CSTF1: variants seen among roughly 807,000 people sequenced by gnomAD.
The protein encoded by CSTF1 is CF-1 50 kDa subunit.
In CSTF1, 2 loss-of-function variants were observed where a neutral mutation model predicts 40.9. The observed-to-expected ratio is 0.05, with a 90% CI of 0.02 to 0.15. CSTF1 has a LOEUF of 0.15. Among genes scored for constraint, CSTF1 ranks in the 10% least tolerant of loss-of-function variants. The pLI, the probability that CSTF1 is intolerant of heterozygous loss-of-function variation, is 1.00. For synonymous variants in CSTF1, 218 were observed against 207.2 expected (o/e 1.05, Z -0.45); for missense variants, 279 against 558.9 (o/e 0.50, Z 5.05).
chr20:56,398,076 A>G (rs1314512436), intron 4 of CSTF1, among the ~76,000 whole-genome samples: 1 of 152,160 alleles, frequency 6.6e-6, no homozygotes, highest in Non-Finnish European at 1.5e-5. Context: ...AGGGTTTGGA[A>G]TCCATATCAC....
chr20:56,399,114 A>G lies in CSTF1; in HGVS notation c.793A>G (p.Ile265Val), dbSNP rs1181888957. 11 of 1,614,108 alleles carry G rather than the reference A, an allele frequency of 6.8e-6. No individual in the cohort carries two copies. The highest frequency in any genetic ancestry group is 1.6e-4 in the Middle Eastern group (1 of 6,084). ...TCCTCAAGATCAACACACCGATGCT[A>G]TATGTTCCGTTAATTACAATTCTAG... is the stretch of plus-strand genomic sequence containing the variant. Reference protein sequence around the residue: ...CNPQDQHTDAICSVNYNSSAN... With the variant: ...CNPQDQHTDAVCSVNYNSSAN... Residue 265 changes from isoleucine to valine, a missense_variant, in exon 5 of 6, where the codon ATA becomes GTA. Coordinates refer to ENST00000217109, the MANE Select transcript of CSTF1 (RefSeq NM_001324.3). The surrounding 1 kb of genome is among the most constrained non-coding windows in gnomAD (Gnocchi z 4.6).
chr20:56,400,008 T>C (rs1189983890), intron 5 of CSTF1, among the ~76,000 whole-genome samples: 1 of 152,240 alleles, frequency 6.6e-6, no homozygotes, highest in African/African-American at 2.4e-5. Flanking sequence ...AACACTGTCT[T>C]CTGTTCCTTG....
In CSTF1 at chr20:56,405,280, C is replaced by T. The variant is rs532102357; in HGVS notation, c.*1553C>T. On this transcript the variant is annotated 3_prime_UTR_variant, in exon 6 of 6. Coordinates refer to ENST00000217109, the MANE Select transcript of CSTF1 (RefSeq NM_001324.3). Reference sequence around the variant, plus strand: ...TTAGTGCAATGGCGCGATCTCGGCTCACCGCAGCCTCCGCCACCTGGGTTC... The same window carrying T: ...TTAGTGCAATGGCGCGATCTCGGCTTACCGCAGCCTCCGCCACCTGGGTTC... 3.9e-5 allele frequency: 6 copies of T among 152,312 alleles called. No homozygotes were observed. The East Asian group carries it at 9.7e-4, about 25-fold the overall frequency. 9.4% of individuals were successfully genotyped at this position (152,312 alleles called of 1,614,324 possible). A position where few individuals can be genotyped will look rare whatever the true frequency, so the allele number is the denominator to read the frequency against.
At chr20:56,400,867 C>T (rs1600731553) in intron 5 of CSTF1, among the ~76,000 whole-genome samples, 1 of 152,066 alleles carries the variant, frequency 6.6e-6, no homozygotes, top group South Asian at 2.1e-4. Flanking sequence ...GGTGAAACCC[C>T]GTCTCTATGA....
chr20:56,403,534 T>C lies in CSTF1; in HGVS notation c.1103T>C (p.Val368Ala), dbSNP rs771707937. 6.2e-7 allele frequency: 1 copy of C among 1,614,134 alleles called. No homozygotes were observed. Residue 368 changes from valine to alanine, a missense_variant, in exon 6 of 6, where the codon GTG becomes GCG. This residue lies in a region of CSTF1 where 162 missense variants were observed against 337.1 expected (regional missense o/e 0.48). Transcript: ENST00000217109. Reference sequence around the variant, plus strand: ...GTGTTTAACCACACCGAGGACTATGTGTTGCTGCCCGACGAGAGGACGATC... The same window carrying C: ...GTGTTTAACCACACCGAGGACTATGCGTTGCTGCCCGACGAGAGGACGATC... ...QAVFNHTEDYVLLPDERTISL... is the reference protein window; with the variant it reads ...QAVFNHTEDYALLPDERTISL...
At chr20:56,393,145 C>T (rs1987346841) in intron 1 of CSTF1, among the ~76,000 whole-genome samples, 1 of 111,354 alleles carries the variant, frequency 9.0e-6, no homozygotes, top group Admixed American at 1.0e-4. Context: ...CACACACACA[C>T]ATATACATAT....
Position 56,399,344 on chromosome 20 carries a change from G to C in CSTF1, c.1023G>C (p.Leu341=), listed in dbSNP as rs770315255. 6.2e-7 allele frequency: 1 copy of C among 1,609,950 alleles called. No homozygotes were observed. Among genetic ancestry groups the C allele is most frequent in the East Asian group, 2.2e-5 (1 of 44,808 alleles). The stretch of plus-strand genomic sequence containing the variant: ...GGGAAATATCAACGGGACGAACACT[G>C]GTCAGATACACGGGTATGTGAGACG... ...KLWEISTGRT[L]VRYTGAGLSG... is the part of the protein sequence containing the mutation. Residue 341 remains leucine, a synonymous_variant, in exon 5 of 6, where the codon CTG becomes CTC. Coordinates refer to ENST00000217109, the MANE Select transcript of CSTF1 (RefSeq NM_001324.3). This position sits in a 1 kb window ranked among gnomAD's most constrained non-coding sequence, Gnocchi z 4.6.
chr20:56,394,437 A>G (rs1228332446), intron 1 of CSTF1, among the ~76,000 whole-genome samples: 1 of 152,114 alleles, frequency 6.6e-6, no homozygotes, highest in Non-Finnish European at 1.5e-5. Flanking sequence ...AAATACAAAA[A>G]TTAGCCTGGT....
At chr20:56,401,402 G>T (rs1455134622) in intron 5 of CSTF1, among the ~76,000 whole-genome samples, 2 of 152,238 alleles carry the variant, frequency 1.3e-5, no homozygotes, top group Non-Finnish European at 2.9e-5. Context: ...GATTTCAGGA[G>T]TCTTAAAGAT....
chr20:56,400,696 A>T (rs1395258952), intron 5 of CSTF1, among the ~76,000 whole-genome samples: 1 of 152,188 alleles, frequency 6.6e-6, no homozygotes, highest in African/African-American at 2.4e-5. Context: ...TCACAGGTCA[A>T]GCGCCTGTCA....
intron 2 of CSTF1, among the ~76,000 whole-genome samples, chr20:56,396,750 A>G (rs1987529278): frequency 6.6e-6 from 1 of 152,198 alleles, no homozygotes; most frequent in Non-Finnish European, 1.5e-5. Flanking sequence ...TTGATAAACC[A>G]GTTTTTTTTA....
intron 5 of CSTF1, 40 bp from the exon 6 acceptor site, chr20:56,403,428 T>A: frequency 6.2e-7 from 1 of 1,609,902 alleles, no homozygotes; most frequent in Non-Finnish European, 8.5e-7. Flanking sequence ...GGGTCTAAGA[T>A]GTGGACTTAG....
At chr20:56,401,392 G>A (rs541498019) in intron 5 of CSTF1, among the ~76,000 whole-genome samples, 12 of 152,228 alleles carry the variant, frequency 7.9e-5, no homozygotes, top group Non-Finnish European at 1.5e-4. Context: ...TTGTTAATCA[G>A]ATTTCAGGAG....
intron 5 of CSTF1, among the ~76,000 whole-genome samples, chr20:56,403,125 A>C (rs987269470): frequency 6.6e-6 from 1 of 152,164 alleles, no homozygotes; most frequent in Admixed American, 6.5e-5. Flanking sequence ...TTATGCCTCA[A>C]AGTACATTAG....
chr20:56,404,713 T>G lies in CSTF1; in HGVS notation c.*986T>G, dbSNP rs1206910299. 2.0e-5 allele frequency: 3 copies of G among 151,572 alleles called. No homozygotes were observed. Among genetic ancestry groups the G allele is most frequent in the African/African-American group, 4.9e-5 (2 of 41,198 alleles). The allele number at this position is 151,572 out of a possible 1,614,324, so 9.4% of individuals were successfully genotyped here. Reference sequence around the variant, plus strand: ...CAGGTTGGAGTGCAGTGGCGTGATCTCAGCTCACTGCAAGCTCCGCCTCCT... The same window carrying G: ...CAGGTTGGAGTGCAGTGGCGTGATCGCAGCTCACTGCAAGCTCCGCCTCCT... On this transcript the variant is annotated 3_prime_UTR_variant, in exon 6 of 6. Transcript: ENST00000217109.
In CSTF1 at chr20:56,399,056, T is replaced by C. The variant is rs752118196; in HGVS notation, c.735T>C (p.Asp245=). The C allele has an allele frequency of 1.9e-6, 3 of 1,614,192 alleles. No homozygotes were observed. Among genetic ancestry groups the C allele is most frequent in the East Asian group, 2.2e-5 (1 of 44,882 alleles). Residue 245 remains aspartate, a synonymous_variant, in exon 5 of 6, where the codon GAT becomes GAC. Coordinates refer to ENST00000217109, the MANE Select transcript of CSTF1 (RefSeq NM_001324.3). The surrounding 1 kb of genome is among the most constrained non-coding windows in gnomAD (Gnocchi z 4.6). ...AGCATCCTACTCTTCGCCTTTATGA[T>C]ATCAACACCTTTCAATGTTTTGTCT... ...GTQHPTLRLY[D]INTFQCFVSC...
chr20:56,401,032 C>T (rs1978427792), intron 5 of CSTF1, among the ~76,000 whole-genome samples: 1 of 151,842 alleles, frequency 6.6e-6, no homozygotes, highest in Non-Finnish European at 1.5e-5. Flanking sequence ...GAGTAAGACT[C>T]CGTCTCAAAA....
rs753263395 is a variant in CSTF1 at position 56,399,394 on chromosome 20, G to T, written c.1036+37G>T. On this transcript the variant is annotated intron_variant, in intron 5 of 5. Coordinates refer to ENST00000217109, the MANE Select transcript of CSTF1 (RefSeq NM_001324.3). The surrounding 1 kb of genome is among the most constrained non-coding windows in gnomAD (Gnocchi z 4.6). ...GTTGATGTTACTTAACATTTCTGTA[G>T]TGTTTACACTTTCCAGAACTCTCTT... 1.9e-6 allele frequency: 3 copies of T among 1,555,032 alleles called. No individual in the cohort carries two copies. In the South Asian group the frequency reaches 3.5e-5, roughly 18 times the overall value.
Position 56,392,686 on chromosome 20 carries a change from CG to C in CSTF1, c.-57del, listed in dbSNP as rs1476303548. On this transcript the variant is annotated 5_prime_UTR_variant, in exon 1 of 6. Transcript: ENST00000217109. Reference sequence around the variant, plus strand: ...GCGCCTCCATTTTTCCAGGAGAGAGCGGGATACCAAGAGAACCGGACCAGCT... The same window carrying C: ...GCGCCTCCATTTTTCCAGGAGAGAGCGGATACCAAGAGAACCGGACCAGCT... The C allele has an allele frequency of 6.6e-6, 1 of 152,062 alleles. No individual in the cohort carries two copies. Among genetic ancestry groups the C allele is most frequent in the Non-Finnish European group, 1.5e-5 (1 of 68,014 alleles). The allele number at this position is 152,062 out of a possible 1,614,324, so 9.4% of individuals were successfully genotyped here. A position where few individuals can be genotyped will look rare whatever the true frequency, so the allele number is the denominator to read the frequency against.
Sources: gnomAD v4.1 joint callset for allele counts (sites outside exome capture counted in the v4.1 genomes callset) on GRCh38, gnomAD v4.1.1 for gene constraint, gnomAD v4.1.1 regional missense constraint, Gnocchi (gnomAD v3.1) non-coding constraint, MANE v1.5 for transcripts, NCBI Gene and HGNC (gene_info 2026-07-23, HGNC 2026-07-21) for gene names.